SMURF2: variants seen among roughly 807,000 people sequenced by gnomAD.
The protein encoded by SMURF2 is E3 ubiquitin-protein ligase SMURF2.
A neutral mutation model predicts 109.6 loss-of-function variants in SMURF2; 48 were observed. The observed-to-expected ratio is 0.44, with a 90% CI of 0.35 to 0.56. The LOEUF is 0.56. Among genes scored for constraint, SMURF2 ranks in the 20% least tolerant of loss-of-function variants. The pLI, the probability that SMURF2 is intolerant of heterozygous loss-of-function variation, is 0.01. For synonymous variants in SMURF2, 288 were observed against 317.1 expected (o/e 0.91, Z 0.97); for missense variants, 575 against 909.0 (o/e 0.63, Z 4.72).
At chr17:64,650,950 G>A (rs1035286199) in intron 1 of SMURF2, among the ~76,000 whole-genome samples, 2 of 150,862 alleles carry the variant, frequency 1.3e-5, no homozygotes, top group South Asian at 4.2e-4. Flanking sequence ...GGCGGCTCAC[G>A]TCTGTAATCC....
chr17:64,659,924 G>A (rs1970753021), intron 1 of SMURF2, among the ~76,000 whole-genome samples: 1 of 152,152 alleles, frequency 6.6e-6, no homozygotes, highest in Non-Finnish European at 1.5e-5. Flanking sequence ...AAGAAACTCA[G>A]AGTACCTCAA....
intron 2 of SMURF2, 81 bp downstream of exon 2, chr17:64,606,521 A>AC: frequency 2.0e-6 from 2 of 985,332 alleles, no homozygotes; most frequent in Admixed American, 3.0e-5. Context: ...GAATAGAGAA[A>AC]CCCCTAAACC....
At chr17:64,603,089 A>G (rs1229535889) in intron 2 of SMURF2, among the ~76,000 whole-genome samples, 1 of 151,986 alleles carries the variant, frequency 6.6e-6, no homozygotes, top group Non-Finnish European at 1.5e-5. Context: ...CCTTCCAAAG[A>G]AAACAGCTTC....
At position 64,644,017 on chromosome 17, in the gene SMURF2, G is replaced by T. The variant is rs35737796; in HGVS notation, c.52+17812C>A. 9.4e-3 allele frequency among the ~76,000 whole-genome samples: 1,435 copies of T among 151,964 alleles called. 8 individuals are homozygous for T. Among genetic ancestry groups the T allele is most frequent in the Non-Finnish European group, 0.016 (1,094 of 67,964 alleles). On this transcript the variant is annotated intron_variant, in intron 1 of 18. Transcript: ENST00000262435. The stretch of plus-strand genomic sequence containing the variant: ...ATTTTTATATTTTTAGTGGAGATGG[G>T]GTTTCACCATATCGCCCAGGCTGGT...
At chr17:64,578,665 G>A in intron 8 of SMURF2, 89 bp from the exon 9 acceptor site, 1 of 760,580 alleles carries the variant, frequency 1.3e-6, no homozygotes, top group Non-Finnish European at 2.2e-6. Flanking sequence ...TACTAATAGG[G>A]AAAAATCTCC....
intron 1 of SMURF2, among the ~76,000 whole-genome samples, chr17:64,626,488 C>T (rs1321052429): frequency 1.3e-5 from 2 of 152,146 alleles, no homozygotes; most frequent in African/African-American, 4.8e-5. Context: ...CTGGGCCAGG[C>T]GCAGTGCCTC....
rs181226696 is a variant in SMURF2 at position 64,621,804 on chromosome 17, C to T, written c.53-15164G>A. Among the ~76,000 whole-genome samples the T allele has an allele frequency of 2.1e-3, 322 of 150,994 alleles. 1 individual carries two copies. Among genetic ancestry groups the T allele is most frequent in the Non-Finnish European group, 2.3e-3 (153 of 67,884 alleles). ...CAGGAGAATTGCTTGAACCGGGACC[C>T]GGGAGGCGGAGGTAGCAGTGAGCAA... On this transcript the variant is annotated intron_variant, in intron 1 of 18. Transcript: ENST00000262435.
At chr17:64,576,999 C>T (rs1038121396) in intron 9 of SMURF2, among the ~76,000 whole-genome samples, 10 of 149,238 alleles carry the variant, frequency 6.7e-5, no homozygotes, top group Admixed American at 2.0e-4. Context: ...GCAGCTGGGA[C>T]TACACGAATT....
chr17:64,547,935 C>T lies in SMURF2; in HGVS notation c.1870-134G>A. On this transcript the variant is annotated intron_variant, in intron 16 of 18. Transcript: ENST00000262435. The surrounding 1 kb of genome is among the most constrained non-coding windows in gnomAD (Gnocchi z 4.2). ...AATTAAAGATGCACATCAGAATCAT[C>T]TGAAAAGCTTTTCAAATTGACATTC... 1 of 709,392 alleles carries T rather than the reference C, an allele frequency of 1.4e-6. No homozygotes were observed. The highest frequency in any genetic ancestry group is 2.4e-6 in the Non-Finnish European group (1 of 423,424). The allele number at this position is 709,392 out of a possible 1,614,324, so 43.9% of individuals were successfully genotyped here. A position where few individuals can be genotyped will look rare whatever the true frequency, so the allele number is the denominator to read the frequency against.
intron 9 of SMURF2, chr17:64,572,904 T>TC (rs1555685693): frequency 6.6e-6 from 1 of 152,056 alleles, no homozygotes; most frequent in Non-Finnish European, 1.5e-5. Context: ...ATTGCTGTTG[T>TC]CATCCACCAG....
Position 64,544,617 on chromosome 17 carries a change from C to T in SMURF2, c.*1231G>A, listed in dbSNP as rs1968919500. On this transcript the variant is annotated 3_prime_UTR_variant, in exon 19 of 19. Transcript: ENST00000262435. ...CAAAATCAGATGCAGATCTTCAACA[C>T]CAAGGGAAGCGGGATTCCCTTACTT... 6.6e-6 allele frequency: 1 copy of T among 152,128 alleles called. No homozygotes were observed. The highest frequency in any genetic ancestry group is 2.4e-5 in the African/African-American group (1 of 41,402). The allele number at this position is 152,128 out of a possible 1,614,324, so 9.4% of individuals were successfully genotyped here. A position where few individuals can be genotyped will look rare whatever the true frequency, so the allele number is the denominator to read the frequency against.
rs1555690799 is a variant in SMURF2 at position 64,622,887 on chromosome 17, T to C, written c.53-16247A>G. ...TATCTACATAAATTGTTTGGAATTA[T>C]TCTGCATGGGAGATTTGTCTATCCC... On this transcript the variant is annotated intron_variant, in intron 1 of 18. Transcript: ENST00000262435. Among the ~76,000 whole-genome samples the C allele has an allele frequency of 7.9e-5, 12 of 152,332 alleles. No homozygotes were observed. The South Asian group carries it at 2.5e-3, about 32-fold the overall frequency.
intron 1 of SMURF2, among the ~76,000 whole-genome samples, chr17:64,643,405 T>A (rs1341311580): frequency 1.3e-5 from 2 of 152,176 alleles, no homozygotes; most frequent in East Asian, 3.9e-4. Flanking sequence ...GTGTGCTAGA[T>A]GTTTTGTTTT....
chr17:64,627,111 CTTTT>C (rs1204553792), intron 1 of SMURF2, among the ~76,000 whole-genome samples: 2 of 120,130 alleles, frequency 1.7e-5, no homozygotes, highest in Admixed American at 9.1e-5. Context: ...AGTTTTTTTC[CTTTT>C]TTTTTTTTTT....
Position 64,562,757 on chromosome 17 carries a change from G to A in SMURF2, c.1212+14C>T, listed in dbSNP as rs781957539. 1 of 1,607,982 alleles carries A rather than the reference G, an allele frequency of 6.2e-7. No individual in the cohort carries two copies. ...AAAAAAAATAGTAAAACAAAATAAG[G>A]CTCGTAAATTTACCTCAAAAATCTC... is the stretch of plus-strand genomic sequence containing the variant. On this transcript the variant is annotated intron_variant, in intron 11 of 18. Coordinates refer to ENST00000262435, the MANE Select transcript of SMURF2 (RefSeq NM_022739.4).
Position 64,555,988 on chromosome 17 carries a change from G to A in SMURF2, c.1442C>T (p.Ser481Phe), listed in dbSNP as rs1555684008. Reference protein sequence around the residue: ...PDSAVNPEHLSYFHFVGRIMG... With the variant: ...PDSAVNPEHLFYFHFVGRIMG... Reference sequence around the variant, plus strand: ...TATTCGTCCAACAAAGTGGAAATAGGATAAATGTTCCTGAAATTGAAAACA... The same window carrying A: ...TATTCGTCCAACAAAGTGGAAATAGAATAAATGTTCCTGAAATTGAAAACA... The change falls in exon 14 of 19, where the codon TCC (serine) becomes TTC (phenylalanine). Residue 481 changes from serine (S) to phenylalanine (F), a missense_variant. Ser to Phe is a radical substitution (Grantham distance 155). Around this residue, in one of 5 missense-constraint regions of SMURF2, gnomAD observed 361 missense variants for 612.1 expected, o/e 0.59. Coordinates refer to ENST00000262435, the MANE Select transcript of SMURF2 (RefSeq NM_022739.4). 3 of 1,607,980 alleles carry A rather than the reference G, an allele frequency of 1.9e-6. No individual in the cohort carries two copies. The highest frequency in any genetic ancestry group is 1.1e-5 in the South Asian group (1 of 90,152).
At chr17:64,656,949 T>TTG (rs1970714128) in intron 1 of SMURF2, among the ~76,000 whole-genome samples, 1 of 152,140 alleles carries the variant, frequency 6.6e-6, no homozygotes, top group African/African-American at 2.4e-5. Context: ...TACAGTAAGG[T>TTG]CCAAACTAGG....
chr17:64,659,156 TGTGA>T (rs1313376433), intron 1 of SMURF2, among the ~76,000 whole-genome samples: 4 of 152,142 alleles, frequency 2.6e-5, no homozygotes, highest in African/African-American at 7.2e-5. Flanking sequence ...TGTATGAGTG[TGTGA>T]GTGTGTGTGT....
chr17:64,626,859 A>G (rs1411972839), intron 1 of SMURF2, among the ~76,000 whole-genome samples: 5 of 152,150 alleles, frequency 3.3e-5, no homozygotes, highest in African/African-American at 9.6e-5. Flanking sequence ...GACAAAATCT[A>G]TATCTAGATT....
Sources: gnomAD v4.1 joint callset for allele counts (sites outside exome capture counted in the v4.1 genomes callset) on GRCh38, gnomAD v4.1.1 for gene constraint, gnomAD v4.1.1 regional missense constraint, Gnocchi (gnomAD v3.1) non-coding constraint, MANE v1.5 for transcripts, NCBI Gene and HGNC (gene_info 2026-07-23, HGNC 2026-07-21) for gene names.